The following FBXW7 variants were observed in gnomAD, a reference collection of about 807,000 sequenced individuals.
The protein encoded by FBXW7 is F-box and WD repeat domain containing 7.
In FBXW7, 11 loss-of-function variants were observed where a neutral mutation model predicts 86.3. The ratio of observed to expected loss-of-function variants is 0.13; its 90% CI spans 0.08 to 0.21. The LOEUF (loss-of-function observed/expected upper bound fraction) is 0.21, where lower values mean the gene tolerates loss of function less well. FBXW7 is among the 10% of genes least tolerant of loss of function. FBXW7 has a pLI of 1.00. For synonymous variants in FBXW7, 313 were observed against 297.9 expected, an observed-to-expected ratio of 1.05 and a Z score of -0.52; for missense variants, 488 against 847.4, an observed-to-expected ratio of 0.58 and a Z score of 5.27.
At chr4:152,495,193 G>T (rs564092414) in intron 2 of FBXW7, among the ~76,000 whole-genome samples, 2 of 152,230 alleles carry the variant, frequency 1.3e-5, no homozygotes, top group East Asian at 3.9e-4. Context: ...AGCACTTTGG[G>T]AGGCCAAGAC....
chr4:152,384,357 G>T (rs1348689099), intron 4 of FBXW7, among the ~76,000 whole-genome samples: 1 of 152,018 alleles, frequency 6.6e-6, no homozygotes, highest in Non-Finnish European at 1.5e-5. Flanking sequence ...TGAAAAAGAA[G>T]GAAATTCTGA....
At chr4:152,353,857 G>A (rs946567120) in intron 4 of FBXW7, among the ~76,000 whole-genome samples, 3 of 152,060 alleles carry the variant, frequency 2.0e-5, no homozygotes, top group Non-Finnish European at 4.4e-5. Context: ...CCATTATTAA[G>A]GTTCTAGTTA....
At chr4:152,368,234 A>T (rs1014617288) in intron 4 of FBXW7, among the ~76,000 whole-genome samples, 2 of 152,110 alleles carry the variant, frequency 1.3e-5, no homozygotes, top group Admixed American at 1.3e-4. Context: ...TATGGTAATG[A>T]GCATGAGCAG....
intron 4 of FBXW7, among the ~76,000 whole-genome samples, chr4:152,357,779 A>G (rs1302883589): frequency 6.6e-6 from 1 of 152,188 alleles, no homozygotes. Flanking sequence ...TGATGGACAC[A>G]TGCACAAATG....
At chr4:152,437,334 G>A (rs1004383977) in intron 2 of FBXW7, among the ~76,000 whole-genome samples, 8 of 151,668 alleles carry the variant, frequency 5.3e-5, no homozygotes, top group East Asian at 1.9e-4. Flanking sequence ...GACTGAGATC[G>A]TGCCACTGCA....
intron 2 of FBXW7, among the ~76,000 whole-genome samples, chr4:152,494,172 G>A (rs907646181): frequency 4.6e-5 from 7 of 152,130 alleles, no homozygotes; most frequent in African/African-American, 1.7e-4. Context: ...ACAGCATAAG[G>A]TACTGCAGAG....
intron 2 of FBXW7, among the ~76,000 whole-genome samples, chr4:152,528,653 A>T (rs1749744548): frequency 6.6e-6 from 1 of 152,212 alleles, no homozygotes; most frequent in African/African-American, 2.4e-5. Context: ...TGCATGTAAA[A>T]ATATAATTAC....
At chr4:152,463,992 AAGAC>A (rs771210510) in intron 2 of FBXW7, among the ~76,000 whole-genome samples, 10 of 152,238 alleles carry the variant, frequency 6.6e-5, no homozygotes, top group Non-Finnish European at 1.3e-4. Context: ...AATGCTAAAA[AAGAC>A]AGGAATGGAT....
chr4:152,516,557 G>C (rs1157564249), intron 2 of FBXW7, among the ~76,000 whole-genome samples: 1 of 152,192 alleles, frequency 6.6e-6, no homozygotes, highest in East Asian at 1.9e-4. Context: ...ATACCATACA[G>C]ATGACCATTT....
chr4:152,401,404 C>T (rs1340608203), intron 4 of FBXW7, among the ~76,000 whole-genome samples: 1 of 152,126 alleles, frequency 6.6e-6, no homozygotes, highest in Non-Finnish European at 1.5e-5. Flanking sequence ...AAGGAAAAGT[C>T]AATGCATATT....
At chr4:152,373,115 C>T (rs1035090538) in intron 4 of FBXW7, among the ~76,000 whole-genome samples, 4 of 151,956 alleles carry the variant, frequency 2.6e-5, no homozygotes, top group Non-Finnish European at 4.4e-5. Context: ...GATCCGTTTC[C>T]TGCAGTGGCT....
At chr4:152,464,798 T>A (rs1743258325) in intron 2 of FBXW7, among the ~76,000 whole-genome samples, 1 of 152,236 alleles carries the variant, frequency 6.6e-6, no homozygotes, top group South Asian at 2.1e-4. Context: ...TAATCTGGAT[T>A]AAGTTTTTCA....
At position 152,464,232 on chromosome 4, in the gene FBXW7, A is replaced by G. The variant is rs888645756; in HGVS notation, c.-119-51703T>C. Among the ~76,000 whole-genome samples the G allele has an allele frequency of 4.3e-4, 66 of 152,232 alleles. 1 individual carries two copies. Among genetic ancestry groups the G allele is most frequent in the Admixed American group, 2.6e-3 (40 of 15,282 alleles). On this transcript the variant is annotated intron_variant, in intron 2 of 13. Coordinates refer to ENST00000281708, the MANE Select transcript of FBXW7 (RefSeq NM_001349798.2). The stretch of plus-strand genomic sequence containing the variant: ...TTGGAGACACCTAGAATGGACTATA[A>G]CAACCTTGGAGATAATGGGAAGGAA...
At chr4:152,454,259 C>CT (rs1742200609) in intron 2 of FBXW7, among the ~76,000 whole-genome samples, 1 of 131,378 alleles carries the variant, frequency 7.6e-6, no homozygotes, top group South Asian at 2.8e-4. Context: ...AAGCCCCCCC[C>CT]CCCTTTTTTT....
At chr4:152,499,099 A>G (rs1017266102) in intron 2 of FBXW7, among the ~76,000 whole-genome samples, 1 of 152,128 alleles carries the variant, frequency 6.6e-6, no homozygotes, top group African/African-American at 2.4e-5. Flanking sequence ...GCCAGGAAAA[A>G]TACCTAAGTC....
At chr4:152,454,608 G>A (rs1455278423) in intron 2 of FBXW7, among the ~76,000 whole-genome samples, 2 of 151,794 alleles carry the variant, frequency 1.3e-5, no homozygotes, top group Non-Finnish European at 2.9e-5. Context: ...GACAGAAGAG[G>A]GAACTATAAT....
chr4:152,461,182 G>A (rs1233680307), intron 2 of FBXW7, among the ~76,000 whole-genome samples: 2 of 152,150 alleles, frequency 1.3e-5, no homozygotes, highest in Non-Finnish European at 1.5e-5. Flanking sequence ...CTACTCAGGA[G>A]GCGGAGGTTG....
In FBXW7 at chr4:152,464,288, A is replaced by C. The variant is rs577099692; in HGVS notation, c.-119-51759T>G. 2.6e-5 allele frequency among the ~76,000 whole-genome samples: 4 copies of C among 152,296 alleles called. No homozygotes were observed. In the East Asian group the frequency reaches 5.8e-4, roughly 22 times the overall value. On this transcript the variant is annotated intron_variant, in intron 2 of 13. Coordinates refer to ENST00000281708, the MANE Select transcript of FBXW7 (RefSeq NM_001349798.2). Reference sequence around the variant, plus strand: ...GTACTTTTCAAGATTAAGTCTGATAAGGCAGAGAACCCAGCATGGAGCATT... The same window carrying C: ...GTACTTTTCAAGATTAAGTCTGATACGGCAGAGAACCCAGCATGGAGCATT...
intron 4 of FBXW7, among the ~76,000 whole-genome samples, chr4:152,364,451 A>G (rs1733271193): frequency 6.6e-6 from 1 of 152,168 alleles, no homozygotes; most frequent in African/African-American, 2.4e-5. Context: ...AAACTGGCAA[A>G]AGTTATGAAT....
Sources: gnomAD v4.1 joint callset for allele counts (sites outside exome capture counted in the v4.1 genomes callset) on GRCh38, gnomAD v4.1.1 for gene constraint, MANE v1.5 for transcripts, NCBI Gene and HGNC (gene_info 2026-07-23, HGNC 2026-07-21) for gene names.